PPP1R13B: variants seen among roughly 807,000 people sequenced by gnomAD.
PPP1R13B encodes apoptosis-stimulating of p53 protein 1.
PPP1R13B carries 44 observed loss-of-function variants against 119.8 expected under a neutral mutation model. The observed-to-expected ratio is 0.37, with a 90% confidence interval of 0.29 to 0.47. The LOEUF is 0.47. Ranked by LOEUF, PPP1R13B falls within the 20% of genes least tolerant of loss-of-function variation. PPP1R13B has a pLI of 0.99. For missense variants in PPP1R13B, 1,227 were observed against 1,413.5 expected (o/e 0.87, Z 2.12); for synonymous variants, 542 against 561.5 (o/e 0.97, Z 0.49).
chr14:103,809,618 C>T (rs929291525), intron 1 of PPP1R13B, among the ~76,000 whole-genome samples: 13 of 151,916 alleles, frequency 8.6e-5, no homozygotes, highest in African/African-American at 2.9e-4. Flanking sequence ...CTCAGGAGCT[C>T]GAGATCAGCC....
At position 103,734,683 on chromosome 14, in the gene PPP1R13B, A is replaced by G; in HGVS notation, c.*471T>C. The G allele has an allele frequency of 2.2e-6, 1 of 457,194 alleles. No individual in the cohort carries two copies. The highest frequency in any genetic ancestry group is 4.4e-6 in the Non-Finnish European group (1 of 227,248). The allele number at this position is 457,194 out of a possible 1,614,324, so 28.3% of individuals were successfully genotyped here. The stretch of plus-strand genomic sequence containing the variant: ...AGGCTCCTTTGGTGATGAAGGGAAG[A>G]AGGATCATGTGTGGGAAGTGTGAGA... On this transcript the variant is annotated 3_prime_UTR_variant, in exon 17 of 17. Coordinates refer to ENST00000202556, the MANE Select transcript of PPP1R13B (RefSeq NM_015316.3).
Position 103,827,121 on chromosome 14 carries a change from G to A in PPP1R13B, c.9+20178C>T, listed in dbSNP as rs189037033. 4.2e-3 allele frequency among the ~76,000 whole-genome samples: 632 copies of A among 152,134 alleles called. 3 individuals carry two copies. The highest frequency in any genetic ancestry group is 0.014 in the Middle Eastern group (4 of 292). ...GGGTGGATCATGAGGTCAGGAGATC[G>A]AGACCATCCTGGTTAACACGGTGAA... On this transcript the variant is annotated intron_variant, in intron 1 of 16. Transcript: ENST00000202556.
At chr14:103,808,623 A>C (rs992712774) in intron 1 of PPP1R13B, among the ~76,000 whole-genome samples, 1 of 149,752 alleles carries the variant, frequency 6.7e-6, no homozygotes, top group Non-Finnish European at 1.5e-5. Flanking sequence ...AACGGGGGTG[A>C]GTTCAGCACT....
In PPP1R13B at chr14:103,742,304, G is replaced by T; in HGVS notation, c.1321-13C>A. ...CAATCTCGATGCCCTAAGTTTAGGT[G>T]TTAAGAAGAAAAACAAAGTCACCCT... On this transcript the variant is annotated splice_polypyrimidine_tract_variant and intron_variant, in intron 10 of 16. Coordinates refer to ENST00000202556, the MANE Select transcript of PPP1R13B (RefSeq NM_015316.3). The surrounding 1 kb of genome is among the most constrained non-coding windows in gnomAD (Gnocchi z 4.9). 6.6e-7 allele frequency: 1 copy of T among 1,526,528 alleles called. No homozygotes were observed. The highest frequency in any genetic ancestry group is 8.7e-7 in the Non-Finnish European group (1 of 1,145,408). The allele number at this position is 1,526,528 out of a possible 1,614,324, so 94.6% of individuals were successfully genotyped here.
chr14:103,837,133 T>C (rs1179066670), intron 1 of PPP1R13B, among the ~76,000 whole-genome samples: 1 of 151,992 alleles, frequency 6.6e-6, no homozygotes, highest in Non-Finnish European at 1.5e-5. Flanking sequence ...ACAAAGTGAG[T>C]CCAGTCCCTG....
intron 1 of PPP1R13B, among the ~76,000 whole-genome samples, chr14:103,824,882 T>C (rs1264015456): frequency 6.6e-6 from 1 of 152,170 alleles, no homozygotes; most frequent in Non-Finnish European, 1.5e-5. Context: ...ACAAATATAT[T>C]TGTTGAAAGT....
chr14:103,841,582 T>A (rs191923754), intron 1 of PPP1R13B, among the ~76,000 whole-genome samples: 5 of 151,376 alleles, frequency 3.3e-5, no homozygotes, highest in African/African-American at 1.2e-4. Flanking sequence ...AGGTCAACAC[T>A]CCAACTCAAA....
chr14:103,847,191 C>G (rs1240074122), intron 1 of PPP1R13B, 108 bp downstream of exon 1: 3 of 1,025,436 alleles, frequency 2.9e-6, no homozygotes, highest in Non-Finnish European at 3.5e-6. Context: ...CTTCCCCGCC[C>G]GCCCGGCCTC....
intron 4 of PPP1R13B, among the ~76,000 whole-genome samples, chr14:103,776,871 CAAA>C (rs202043897): frequency 8.9e-5 from 9 of 101,694 alleles, no homozygotes; most frequent in African/African-American, 7.3e-5. Flanking sequence ...GACTCTGCCT[CAAA>C]AAAAAAAAAA....
chr14:103,818,175 T>A lies in PPP1R13B; in HGVS notation c.10-20657A>T, dbSNP rs61091805. On this transcript the variant is annotated intron_variant, in intron 1 of 16. Coordinates refer to ENST00000202556, the MANE Select transcript of PPP1R13B (RefSeq NM_015316.3). Reference sequence around the variant, plus strand: ...GCCTGCCACCATGCAAAACATTTCCTACTACAGAAAGGAAATTAAAAATGA... The same window carrying A: ...GCCTGCCACCATGCAAAACATTTCCAACTACAGAAAGGAAATTAAAAATGA... Among the ~76,000 whole-genome samples the A allele has an allele frequency of 1.6e-3, 238 of 152,334 alleles. 1 individual carries two copies. The highest frequency in any genetic ancestry group is 5.4e-3 in the African/African-American group (226 of 41,584).
intron 15 of PPP1R13B, chr14:103,736,403 G>A: frequency 3.3e-6 from 2 of 606,784 alleles, no homozygotes; most frequent in Non-Finnish European, 5.8e-6. Context: ...TGCTGCTCCT[G>A]CTGCCGGCCC....
chr14:103,809,190 A>C (rs1214842654), intron 1 of PPP1R13B, among the ~76,000 whole-genome samples: 1 of 152,186 alleles, frequency 6.6e-6, no homozygotes, highest in East Asian at 1.9e-4. Flanking sequence ...GCATCTACTC[A>C]AAGTTAAATA....
chr14:103,799,314 G>A (rs2085838631), intron 1 of PPP1R13B, among the ~76,000 whole-genome samples: 1 of 152,144 alleles, frequency 6.6e-6, no homozygotes, highest in Non-Finnish European at 1.5e-5. Context: ...GAGTAGCTGG[G>A]ACTACAGGCG....
chr14:103,818,461 A>G (rs1033024156), intron 1 of PPP1R13B: 15 of 969,164 alleles, frequency 1.5e-5, no homozygotes, highest in Non-Finnish European at 1.8e-5. Flanking sequence ...GAATTTCTCA[A>G]TGTTAATATT....
intron 1 of PPP1R13B, among the ~76,000 whole-genome samples, chr14:103,813,232 TA>T (rs11362801): frequency 0.037 from 5,468 of 146,690 alleles, 259 homozygotes; most frequent in African/African-American, 0.11. Flanking sequence ...TCAGCAATGT[TA>T]AAAAAAAAAA....
At chr14:103,799,596 A>G (rs1478585725) in intron 1 of PPP1R13B, among the ~76,000 whole-genome samples, 1 of 149,612 alleles carries the variant, frequency 6.7e-6, no homozygotes, top group Non-Finnish European at 1.5e-5. Context: ...TATAGGCGTG[A>G]GCCACTGTGC....
chr14:103,760,477 A>G (rs954281016), intron 4 of PPP1R13B, among the ~76,000 whole-genome samples: 2 of 152,218 alleles, frequency 1.3e-5, no homozygotes, highest in African/African-American at 2.4e-5. Flanking sequence ...ACAGTGCACA[A>G]GCCACTTCCA....
At chr14:103,771,064 G>A (rs1302481189) in intron 4 of PPP1R13B, among the ~76,000 whole-genome samples, 1 of 152,116 alleles carries the variant, frequency 6.6e-6, no homozygotes, top group Non-Finnish European at 1.5e-5. Flanking sequence ...ACTATGAAAT[G>A]AACCCCCCAA....
At chr14:103,835,837 A>T (rs1043169587) in intron 1 of PPP1R13B, among the ~76,000 whole-genome samples, 1 of 151,344 alleles carries the variant, frequency 6.6e-6, no homozygotes, top group African/African-American at 2.4e-5. Flanking sequence ...TCTCGATCTC[A>T]TGACCTCGTG....
Sources: allele counts gnomAD v4.1 joint callset (sites outside exome capture counted in the v4.1 genomes callset), GRCh38; gene constraint gnomAD v4.1.1; non-coding constraint Gnocchi (gnomAD v3.1); transcripts MANE v1.5; gene names NCBI Gene and HGNC (gene_info 2026-07-23, HGNC 2026-07-21).